Variants in FABP6 observed in about 807,000 individuals in gnomAD.
FABP6 encodes the protein fatty acid binding protein 6.
A neutral mutation model predicts 14.9 loss-of-function variants in FABP6; 13 were observed. The ratio of observed to expected loss-of-function variants is 0.87; its 90% CI spans 0.57 to 1.39. The LOEUF is 1.39. Ranked by LOEUF, FABP6 falls within the 40% of genes most tolerant of loss-of-function variation. The pLI, the probability that FABP6 is intolerant of heterozygous loss-of-function variation, is 0.00. For missense variants in FABP6, 161 were observed against 167.2 expected, an observed-to-expected ratio of 0.96 and a Z score of 0.20; for synonymous variants, 75 against 63.6, an observed-to-expected ratio of 1.18 and a Z score of -0.85.
chr5:160,206,108 T>C (rs1759759073), intron 2 of FABP6, among the ~76,000 whole-genome samples: 1 of 152,156 alleles, frequency 6.6e-6, no homozygotes, highest in Non-Finnish European at 1.5e-5. Context: ...AAGTCACAGC[T>C]GAGCACATGT....
chr5:160,228,387 A>G (rs1760297195), upstream of FABP6: 1 of 454,702 alleles, frequency 2.2e-6, no homozygotes. Context: ...GTGAAACTCC[A>G]TCTCAAAAAT....
rs148717975 is a variant in FABP6, at chr5:160,206,879, C to A, written c.52-6857C>A. Among the ~76,000 whole-genome samples the A allele has an allele frequency of 5.5e-3, 840 of 152,280 alleles. 1 individual carries two copies. The highest frequency in any genetic ancestry group is 0.01 in the Middle Eastern group (3 of 294). On this transcript the variant is annotated intron_variant, in intron 2 of 6. Transcript: ENST00000393980. The stretch of plus-strand genomic sequence containing the variant: ...GGGTCATGGATGCTAGACACAGCAC[C>A]AAGGCAAGCTGTGATTAGAGTGTTT...
chr5:160,195,267 G>A (rs539712309), intron 1 of FABP6, among the ~76,000 whole-genome samples: 2 of 111,584 alleles, frequency 1.8e-5, no homozygotes, highest in African/African-American at 7.0e-5. Flanking sequence ...CTGGGCAACA[G>A]AGCGAGACTC....
chr5:160,194,122 C>T lies in FABP6; in HGVS notation c.-58-4927C>T, dbSNP rs545997816. On this transcript the variant is annotated intron_variant, in intron 1 of 6. Transcript: ENST00000393980. Reference sequence around the variant, plus strand: ...CTGCTGGGGGACCCAGTACACCCTCCGCAGCCGCTGGCCCAGGTGCTAAGT... The same window carrying T: ...CTGCTGGGGGACCCAGTACACCCTCTGCAGCCGCTGGCCCAGGTGCTAAGT... Among the ~76,000 whole-genome samples the T allele has an allele frequency of 1.3e-4, 20 of 152,338 alleles. No individual in the cohort carries two copies. The East Asian group carries it at 2.9e-3, about 22-fold the overall frequency.
intron 2 of FABP6, chr5:160,204,817 A>G (rs1377825903): frequency 1.3e-5 from 2 of 152,200 alleles, no homozygotes; most frequent in Admixed American, 6.6e-5. Context: ...ACTGGGAAAC[A>G]CACTGCTGTG....
At chr5:160,226,814 C>T (rs776042366), upstream of FABP6, among the ~76,000 whole-genome samples, 3 of 152,106 alleles carry the variant, frequency 2.0e-5, no homozygotes, top group Non-Finnish European at 4.4e-5. Flanking sequence ...TTATTATTAT[C>T]AGTGAGGGGA....
intron 2 of FABP6, among the ~76,000 whole-genome samples, chr5:160,204,500 G>GTT (rs2113086088): frequency 6.6e-6 from 1 of 151,786 alleles, no homozygotes; most frequent in South Asian, 2.1e-4. Context: ...CTTTTTTAGG[G>GTT]GGGGTGGGGA....
intron 2 of FABP6, among the ~76,000 whole-genome samples, chr5:160,232,518 G>A (rs754256367): frequency 6.6e-6 from 1 of 152,174 alleles, no homozygotes; most frequent in East Asian, 1.9e-4. Context: ...TTGCTGAATA[G>A]TTTTTCCATC....
chr5:160,211,729 C>T (rs188755313), intron 2 of FABP6, among the ~76,000 whole-genome samples: 4 of 152,164 alleles, frequency 2.6e-5, no homozygotes, highest in South Asian at 2.1e-4. Flanking sequence ...TTACTCCATA[C>T]GTTTCCAAAA....
chr5:160,213,408 G>A (rs751185508), intron 2 of FABP6, among the ~76,000 whole-genome samples: 3 of 152,164 alleles, frequency 2.0e-5, no homozygotes, highest in Non-Finnish European at 2.9e-5. Flanking sequence ...TGCAGGGTCC[G>A]CATGCAGTGC....
chr5:160,234,821 C>A lies in FABP6; in HGVS notation c.245C>A (p.Ala82Asp). ...CTTAATGTTGTGCTTCCATTCCAGG[C>A]CACTGTGCAGATGGAGGGCGGGAAG... Reference protein sequence around the residue: ...IQTMGGKTFKATVQMEGGKLV... With the variant: ...IQTMGGKTFKDTVQMEGGKLV... Residue 82 changes from alanine to aspartate, a missense_variant and splice_region_variant, in exon 3 of 4, where the codon GCC becomes GAC. By Grantham distance (126) the Ala-to-Asp change is moderately radical. Transcript: ENST00000402432. 1.2e-6 allele frequency: 2 copies of A among 1,606,836 alleles called. No individual in the cohort carries two copies. Among genetic ancestry groups the A allele is most frequent in the South Asian group, 1.1e-5 (1 of 89,826 alleles).
intron 2 of FABP6, among the ~76,000 whole-genome samples, chr5:160,209,907 C>T (rs542876614): frequency 6.6e-6 from 1 of 152,190 alleles, no homozygotes; most frequent in African/African-American, 2.4e-5. Context: ...CAGAAAGCAA[C>T]CTAAGACATA....
At chr5:160,214,931 G>T (rs971403211) in intron 3 of FABP6, among the ~76,000 whole-genome samples, 18 of 152,246 alleles carry the variant, frequency 1.2e-4, no homozygotes, top group African/African-American at 4.3e-4. Context: ...TGGCTGCCCT[G>T]CAGAACTTCC....
In FABP6 at chr5:160,234,843, G is replaced by A. The variant is rs1760472084; in HGVS notation, c.267G>A (p.Gly89=). ...TFKATVQMEG[G]KLVVNFPNYH... ...AGGCCACTGTGCAGATGGAGGGCGG[G>A]AAGCTGGTGGTGAATTTCCCCAACT... The change falls in exon 3 of 4, where the codon GGG becomes GGA. Residue 89 remains glycine, a synonymous_variant. Coordinates refer to ENST00000402432, the MANE Select transcript of FABP6 (RefSeq NM_001445.3). 1 of 1,611,354 alleles carries A rather than the reference G, an allele frequency of 6.2e-7. No individual in the cohort carries two copies. Among genetic ancestry groups the A allele is most frequent in the Admixed American group, 1.7e-5 (1 of 59,740 alleles).
intron 1 of FABP6, among the ~76,000 whole-genome samples, chr5:160,193,844 C>T (rs1387796361): frequency 1.3e-5 from 2 of 152,264 alleles, no homozygotes; most frequent in East Asian, 3.8e-4. Context: ...CCAGTGGATC[C>T]CGCACCAGGG....
intron 3 of FABP6, among the ~76,000 whole-genome samples, chr5:160,217,499 C>T (rs781443182): frequency 1.1e-4 from 16 of 152,166 alleles, no homozygotes; most frequent in Non-Finnish European, 1.9e-4. Context: ...GGAAGCTGCA[C>T]GGCCAGCCTG....
intron 1 of FABP6, among the ~76,000 whole-genome samples, chr5:160,230,570 C>T (rs1000129996): frequency 3.9e-5 from 6 of 152,078 alleles, no homozygotes; most frequent in African/African-American, 1.4e-4. Context: ...CCCTGTTGCT[C>T]AGGCTGGTCT....
chr5:160,221,648 C>T (rs369395450), intron 3 of FABP6, among the ~76,000 whole-genome samples: 1 of 152,128 alleles, frequency 6.6e-6, no homozygotes, highest in Non-Finnish European at 1.5e-5. Context: ...AGCATGGCGA[C>T]AAAACATACT....
At chr5:160,230,134 C>T (rs560050287) in intron 1 of FABP6, among the ~76,000 whole-genome samples, 11 of 151,704 alleles carry the variant, frequency 7.3e-5, no homozygotes, top group South Asian at 6.3e-4. Flanking sequence ...CCACCCAGCT[C>T]GACCTCCCAA....
Sources: allele counts gnomAD v4.1 joint callset (sites outside exome capture counted in the v4.1 genomes callset), GRCh38; gene constraint gnomAD v4.1.1; transcripts MANE v1.5; gene names NCBI Gene and HGNC (gene_info 2026-07-23, HGNC 2026-07-21).